The following LRIG3 variants were observed in gnomAD, a reference collection of about 807,000 sequenced individuals.
LRIG3 encodes the protein leucine rich repeats and immunoglobulin like domains 3.
A neutral mutation model predicts 114.5 loss-of-function variants in LRIG3; 76 were observed. The ratio of observed to expected loss-of-function variants is 0.66; its 90% CI spans 0.55 to 0.80. The LOEUF is 0.80. Ranked by LOEUF, LRIG3 falls within the 30% of genes least tolerant of loss-of-function variation. The pLI, the probability that LRIG3 is intolerant of heterozygous loss-of-function variation, is 0.00. For synonymous variants in LRIG3, 512 were observed against 519.8 expected (o/e 0.98, Z 0.20); for missense variants, 1,239 against 1,382.8 (o/e 0.90, Z 1.65).
At position 58,919,458 on chromosome 12, in the gene LRIG3, A is replaced by G. The variant is rs1409301946; in HGVS notation, c.236+542T>C. On this transcript the variant is annotated intron_variant, in intron 1 of 18. Coordinates refer to ENST00000320743, the MANE Select transcript of LRIG3 (RefSeq NM_153377.5). The stretch of plus-strand genomic sequence containing the variant: ...CTAATGTGAAAAAGCAAGCAGAGGG[A>G]GAACAACAGAAGTACGTCCACCATA... 3.9e-6 allele frequency: 6 copies of G among 1,551,520 alleles called. No homozygotes were observed. In the Admixed American group the frequency reaches 1.2e-4, roughly 30 times the overall value.
chr12:58,884,587 T>A (rs188915563), intron 10 of LRIG3, among the ~76,000 whole-genome samples: 57 of 152,314 alleles, frequency 3.7e-4, no homozygotes, highest in African/African-American at 1.3e-3. Flanking sequence ...TTTCAATAAA[T>A]ACTGCAATGT....
intron 1 of LRIG3, among the ~76,000 whole-genome samples, chr12:58,918,089 T>C (rs1437077400): frequency 6.6e-6 from 1 of 152,166 alleles, no homozygotes; most frequent in Admixed American, 6.5e-5. Flanking sequence ...GTCACAGAAG[T>C]ACAGGAATGA....
rs1194040716 is a variant in LRIG3, at chr12:58,920,141, C to G, written c.95G>C (p.Arg32Pro). ...GRAGRSDSGG[R>P]GELGQPSGVA... ...CCCAGAGGGCTGCCCGAGTTCCCCG[C>G]GACCGCCGCTGTCTGACCGGCCAGC... The change falls in exon 1 of 19, where the codon CGC (arginine) becomes CCC (proline). Residue 32 changes from arginine (R) to proline (P), a missense_variant. Arg to Pro is a moderately radical substitution (Grantham distance 103). Transcript: ENST00000320743. The G allele has an allele frequency of 6.5e-7, 1 of 1,543,912 alleles. No homozygotes were observed. The highest frequency in any genetic ancestry group is 1.2e-5 in the South Asian group (1 of 83,970).
chr12:58,888,965 G>A lies in LRIG3; in HGVS notation c.660-3C>T. 3.7e-6 allele frequency: 6 copies of A among 1,611,918 alleles called. No homozygotes were observed. Among genetic ancestry groups the A allele is most frequent in the Non-Finnish European group, 5.1e-6 (6 of 1,179,178 alleles). ...TAATCTTGTTTCGGTTCAATTCGCT[G>A]CATTGAGTATTACAAGAGTTAGCTT... On this transcript the variant is annotated splice_polypyrimidine_tract_variant and splice_region_variant and intron_variant, in intron 5 of 18. Transcript: ENST00000320743.
intron 3 of LRIG3, among the ~76,000 whole-genome samples, chr12:58,910,686 A>G (rs1175688065): frequency 2.6e-5 from 4 of 152,130 alleles, no homozygotes; most frequent in Non-Finnish European, 5.9e-5. Context: ...ACATTCTTCA[A>G]CTCTAGGACA....
rs1395458368 is a variant in LRIG3, at chr12:58,920,148, C to A, written c.88G>T (p.Gly30Cys). 1 of 1,543,072 alleles carries A rather than the reference C, an allele frequency of 6.5e-7. No homozygotes were observed. The highest frequency in any genetic ancestry group is 8.7e-7 in the Non-Finnish European group (1 of 1,146,348). ...VLGRAGRSDS[G>C]GRGELGQPSG... ...GGCTGCCCGAGTTCCCCGCGACCGC[C>A]GCTGTCTGACCGGCCAGCGCGCCCC... The change falls in exon 1 of 19, where the codon GGC (glycine) becomes TGC (cysteine). Residue 30 changes from glycine (G) to cysteine (C), a missense_variant. By Grantham distance (159) the Gly-to-Cys change is radical. Coordinates refer to ENST00000320743, the MANE Select transcript of LRIG3 (RefSeq NM_153377.5).
At chr12:58,907,902 C>T (rs1232659483) in intron 3 of LRIG3, among the ~76,000 whole-genome samples, 1 of 152,096 alleles carries the variant, frequency 6.6e-6, no homozygotes, top group Non-Finnish European at 1.5e-5. Context: ...AAAAGTTGGA[C>T]CCTGGAAGGA....
At chr12:58,875,788 C>T (rs1870895808) in intron 16 of LRIG3, among the ~76,000 whole-genome samples, 1 of 152,234 alleles carries the variant, frequency 6.6e-6, no homozygotes. Flanking sequence ...GCCTGTAATC[C>T]CAGCACTTTG....
At chr12:58,906,922 C>CG (rs1872088876) in intron 3 of LRIG3, among the ~76,000 whole-genome samples, 1 of 151,170 alleles carries the variant, frequency 6.6e-6, no homozygotes, top group Non-Finnish European at 1.5e-5. Context: ...AGATTCTTTG[C>CG]TTAACTGTAG....
Position 58,872,702 on chromosome 12 carries a change from A to T in LRIG3, c.3230T>A (p.Leu1077Ter). 1 of 1,614,100 alleles carries T rather than the reference A, an allele frequency of 6.2e-7. No individual in the cohort carries two copies. The highest frequency in any genetic ancestry group is 8.5e-7 in the Non-Finnish European group (1 of 1,179,966). ...FYLKAHSSPD[L>*]DSGSEEDGKE... Reference sequence around the variant, plus strand: ...CCCATCTTCCTCTGACCCAGAGTCCAAGTCTGGGGAAGAATGAGCTTTCAA... The same window carrying T: ...CCCATCTTCCTCTGACCCAGAGTCCTAGTCTGGGGAAGAATGAGCTTTCAA... Residue 1077 changes from leucine to a stop codon, truncating the protein, a stop_gained, in exon 19 of 19, where the codon TTG becomes TAG. Transcript: ENST00000320743. LOFTEE classifies it high-confidence loss of function.
chr12:58,920,002 C>G lies in LRIG3; in HGVS notation c.234G>C (p.Arg78=). The G allele has an allele frequency of 6.4e-7, 1 of 1,551,728 alleles. No individual in the cohort carries two copies. The highest frequency in any genetic ancestry group is 8.7e-7 in the Non-Finnish European group (1 of 1,147,544). ...LPEPLPSWVA[R]LDLSHNRLSF... ...CCCCCCGCGGGAAGAATACTTACAG[C>G]CGAGCGACCCAGGACGGGAGTGGCT... Residue 78 remains arginine (R), a splice_region_variant and synonymous_variant, in exon 1 of 19, where the codon CGG becomes CGC. Transcript: ENST00000320743.
chr12:58,886,757 A>G, intron 9 of LRIG3, 53 bp downstream of exon 9: 1 of 1,505,400 alleles, frequency 6.6e-7, no homozygotes, highest in Non-Finnish European at 9.2e-7. Context: ...TTCAGTGAAG[A>G]CAAAATTTTT....
Position 58,876,527 on chromosome 12 carries a change from G to A in LRIG3, c.2613C>T (p.Tyr871=), listed in dbSNP as rs148832613. The change falls in exon 16 of 19, where the codon TAC becomes TAT. Residue 871 remains tyrosine, a synonymous_variant. Coordinates refer to ENST00000320743, the MANE Select transcript of LRIG3 (RefSeq NM_153377.5). ...GGTGGCTTCCACTTTCTGAAGACAC[G>A]TACCCATCCTGCCTGTCAGCTAACG... is the stretch of plus-strand genomic sequence containing the variant. ...QGTLADRQDG[Y]VSSESGSHHQ... 1.4e-5 allele frequency: 23 copies of A among 1,614,110 alleles called. No homozygotes were observed. The highest frequency in any genetic ancestry group is 1.0e-4 in the Admixed American group (6 of 60,010).
intron 3 of LRIG3, among the ~76,000 whole-genome samples, chr12:58,904,033 T>A (rs184183275): frequency 1.5e-4 from 23 of 152,312 alleles, no homozygotes; most frequent in African/African-American, 4.1e-4. Context: ...GGCTTAGGAT[T>A]GACTTGGCGA....
intron 8 of LRIG3, among the ~76,000 whole-genome samples, 177 bp downstream of exon 8, chr12:58,887,612 C>T (rs911449720): frequency 2.6e-5 from 4 of 152,120 alleles, no homozygotes; most frequent in African/African-American, 9.7e-5. Context: ...AATCCCTATA[C>T]GAAACACATA....
At chr12:58,915,460 T>C (rs1177877906) in intron 1 of LRIG3, among the ~76,000 whole-genome samples, 1 of 152,200 alleles carries the variant, frequency 6.6e-6, no homozygotes, top group East Asian at 1.9e-4. Flanking sequence ...AGCACAGTGT[T>C]ACTCAGTGTT....
intron 3 of LRIG3, among the ~76,000 whole-genome samples, chr12:58,896,317 A>G (rs145098815): frequency 2.1e-4 from 32 of 152,344 alleles, no homozygotes; most frequent in Non-Finnish European, 3.7e-4. Flanking sequence ...TCCAGAAAGC[A>G]TAAGTGTCTC....
rs752245736 is a variant in LRIG3 at position 58,874,341 on chromosome 12, T to TG, written c.2840-12dup. 1.2e-6 allele frequency: 2 copies of TG among 1,606,880 alleles called. No individual in the cohort carries two copies. Among genetic ancestry groups the TG allele is most frequent in the Admixed American group, 1.7e-5 (1 of 58,810 alleles). Reference sequence around the variant, plus strand: ...GGTCAGGACTGCAACCTTTTTAATATGGGGGCAGTAACAGAAGGAGATTAC... The same window carrying TG: ...GGTCAGGACTGCAACCTTTTTAATATGGGGGGCAGTAACAGAAGGAGATTAC... On this transcript the variant is annotated splice_polypyrimidine_tract_variant and intron_variant, in intron 17 of 18. Transcript: ENST00000320743.
intron 18 of LRIG3, among the ~76,000 whole-genome samples, chr12:58,873,055 T>TA (rs1158698737): frequency 1.3e-5 from 2 of 152,210 alleles, no homozygotes; most frequent in Non-Finnish European, 2.9e-5. Context: ...CATCTATTCT[T>TA]TATCATTTCT....
Sources: gnomAD v4.1 joint callset for allele counts (sites outside exome capture counted in the v4.1 genomes callset) on GRCh38, gnomAD v4.1.1 for gene constraint, MANE v1.5 for transcripts, NCBI Gene and HGNC (gene_info 2026-07-23, HGNC 2026-07-21) for gene names.